COLGALT2: variants seen among roughly 807,000 people sequenced by gnomAD.
COLGALT2 encodes the protein collagen beta(1-O)galactosyltransferase 2.
In COLGALT2, 49 loss-of-function variants were observed where a neutral mutation model predicts 73.4. That is an observed-to-expected ratio of 0.67 (90% CI 0.53 to 0.85). The LOEUF (loss-of-function observed/expected upper bound fraction) is 0.85. Ranked by LOEUF, COLGALT2 falls within the 40% of genes least tolerant of loss-of-function variation. The probability of loss-of-function intolerance (pLI) is 0.00; values close to 1 mark genes in which losing one functional copy is unlikely to be tolerated. For synonymous variants in COLGALT2, 295 were observed against 307.6 expected, an observed-to-expected ratio of 0.96 and a Z score of 0.43; for missense variants, 722 against 790.2, an observed-to-expected ratio of 0.91 and a Z score of 1.03.
chr1:184,029,099 G>C lies in COLGALT2; in HGVS notation c.263+7996C>G, dbSNP rs550142728. On this transcript the variant is annotated intron_variant, in intron 1 of 11. Coordinates refer to ENST00000361927, the MANE Select transcript of COLGALT2 (RefSeq NM_015101.4). The stretch of plus-strand genomic sequence containing the variant: ...CAGCCAAATCTGAGGTTTAATTCAT[G>C]CAAGAGACTTGGCTAATGCCACCTA... Among the ~76,000 whole-genome samples the C allele has an allele frequency of 2.0e-5, 3 of 152,320 alleles. 1 individual carries two copies. In the South Asian group the frequency reaches 6.2e-4, roughly 32 times the overall value.
chr1:183,957,800 T>TTA (rs1406258149), intron 6 of COLGALT2, among the ~76,000 whole-genome samples: 2 of 149,442 alleles, frequency 1.3e-5, no homozygotes, highest in Non-Finnish European at 3.0e-5. Flanking sequence ...TTTTTTTTTT[T>TTA]ACAAATAAAG....
intron 1 of COLGALT2, among the ~76,000 whole-genome samples, chr1:184,019,104 T>C (rs1649095255): frequency 6.6e-6 from 1 of 152,218 alleles, no homozygotes; most frequent in Non-Finnish European, 1.5e-5. Context: ...TTCCGATTTT[T>C]GGCTTCTCAA....
chr1:184,029,794 C>T (rs1649452062), intron 1 of COLGALT2, among the ~76,000 whole-genome samples: 1 of 152,126 alleles, frequency 6.6e-6, no homozygotes, highest in Non-Finnish European at 1.5e-5. Flanking sequence ...TTCAGAGTAC[C>T]TGCCTGGAAC....
At chr1:183,974,769 G>T (rs1671142845) in intron 3 of COLGALT2, among the ~76,000 whole-genome samples, 2 of 152,200 alleles carry the variant, frequency 1.3e-5, no homozygotes, top group Non-Finnish European at 1.5e-5. Context: ...CTTCCAAAAA[G>T]TTGTAAGAAC....
At position 183,969,468 on chromosome 1, in the gene COLGALT2, G is replaced by C; in HGVS notation, c.633C>G (p.Phe211Leu). The change falls in exon 5 of 12, where the codon TTC becomes TTG. Residue 211 changes from phenylalanine to leucine, a missense_variant. By Grantham distance (22) the Phe-to-Leu change is conservative. Coordinates refer to ENST00000361927, the MANE Select transcript of COLGALT2 (RefSeq NM_015101.4). ...GAACGTAGTCTGGGGTCCTCTTATA[G>C]AAGCCCTGTAAAAGAGCAAATAGGT... ...NFWCGITPKG[F>L]YKRTPDYVQI... The C allele has an allele frequency of 4.4e-6, 7 of 1,608,208 alleles. No individual in the cohort carries two copies. Among genetic ancestry groups the C allele is most frequent in the Non-Finnish European group, 5.1e-6 (6 of 1,177,364 alleles).
At position 183,936,687 on chromosome 1, in the gene COLGALT2, C is replaced by A; in HGVS notation, c.*2074G>T. The A allele has an allele frequency of 8.1e-7, 1 of 1,229,152 alleles. No individual in the cohort carries two copies. Among genetic ancestry groups the A allele is most frequent in the Non-Finnish European group, 1.0e-6 (1 of 986,982 alleles). 76.1% of individuals were successfully genotyped at this position (1,229,152 alleles called of 1,614,324 possible). The stretch of plus-strand genomic sequence containing the variant: ...ACAAAAACCAGATACCCAAGGAAAT[C>A]TTAGGAATCACCTAAGGAATTTTCA... On this transcript the variant is annotated 3_prime_UTR_variant, in exon 12 of 12. Coordinates refer to ENST00000361927, the MANE Select transcript of COLGALT2 (RefSeq NM_015101.4).
At chr1:184,033,431 A>G (rs138321323) in intron 1 of COLGALT2, among the ~76,000 whole-genome samples, 50 of 152,344 alleles carry the variant, frequency 3.3e-4, no homozygotes, top group African/African-American at 1.2e-3. Flanking sequence ...GACACATGAA[A>G]TAGATATCTT....
At chr1:183,994,107 C>T (rs1031018378) in intron 1 of COLGALT2, among the ~76,000 whole-genome samples, 3 of 128,816 alleles carry the variant, frequency 2.3e-5, no homozygotes, top group African/African-American at 2.9e-5. Context: ...GGTGTGATCT[C>T]GGCTCACTGC....
chr1:183,938,585 T>C lies in COLGALT2; in HGVS notation c.*176A>G. On this transcript the variant is annotated 3_prime_UTR_variant, in exon 12 of 12. Transcript: ENST00000361927. Reference sequence around the variant, plus strand: ...GGGAAATTTGGGTTGAATTTCCTTATTTCCTTCCATGGTCAAAAATATGTT... The same window carrying C: ...GGGAAATTTGGGTTGAATTTCCTTACTTCCTTCCATGGTCAAAAATATGTT... The C allele has an allele frequency of 2.1e-6, 3 of 1,425,036 alleles. No individual in the cohort carries two copies. The highest frequency in any genetic ancestry group is 1.6e-5 in the South Asian group (1 of 63,080). 88.3% of individuals were successfully genotyped at this position (1,425,036 alleles called of 1,614,324 possible).
chr1:183,979,604 T>A (rs910610994), intron 1 of COLGALT2, among the ~76,000 whole-genome samples: 1 of 152,118 alleles, frequency 6.6e-6, no homozygotes, highest in Non-Finnish European at 1.5e-5. Context: ...AAACAATATG[T>A]AAATGAATGA....
chr1:183,960,178 C>G (rs1004678539), intron 6 of COLGALT2, among the ~76,000 whole-genome samples: 2 of 150,656 alleles, frequency 1.3e-5, no homozygotes, highest in Non-Finnish European at 3.0e-5. Context: ...AGGAATTCTT[C>G]TTTAGCTGAA....
At chr1:183,998,999 T>C (rs1671844242) in intron 1 of COLGALT2, among the ~76,000 whole-genome samples, 1 of 152,158 alleles carries the variant, frequency 6.6e-6, no homozygotes, top group Non-Finnish European at 1.5e-5. Context: ...ACATACATAA[T>C]GATTGCTTTA....
chr1:183,993,597 G>A (rs536542625), intron 1 of COLGALT2, among the ~76,000 whole-genome samples: 15 of 152,216 alleles, frequency 9.9e-5, no homozygotes, highest in African/African-American at 3.1e-4. Context: ...AGACCAAAGG[G>A]CAGCTCTGAA....
intron 1 of COLGALT2, among the ~76,000 whole-genome samples, chr1:184,007,280 G>A (rs971487543): frequency 2.6e-5 from 4 of 152,220 alleles, no homozygotes; most frequent in East Asian, 3.9e-4. Context: ...TGAAGTTTTC[G>A]GCAAATCTCA....
At chr1:183,959,181 GTT>G (rs1222187266) in intron 6 of COLGALT2, among the ~76,000 whole-genome samples, 1 of 152,160 alleles carries the variant, frequency 6.6e-6, no homozygotes, top group African/African-American at 2.4e-5. Context: ...CTCTCTGGCT[GTT>G]TTGTCTTCCC....
chr1:183,994,762 C>A (rs890832985), intron 1 of COLGALT2, among the ~76,000 whole-genome samples: 5 of 152,082 alleles, frequency 3.3e-5, no homozygotes, highest in Admixed American at 1.3e-4. Context: ...CCTTAACCTG[C>A]AAATTAAAGG....
chr1:183,960,923 A>G (rs1365401321), intron 6 of COLGALT2, among the ~76,000 whole-genome samples: 1 of 152,156 alleles, frequency 6.6e-6, no homozygotes, highest in Non-Finnish European at 1.5e-5. Flanking sequence ...ATTAGCAGCC[A>G]TTTATTTACT....
intron 1 of COLGALT2, among the ~76,000 whole-genome samples, chr1:184,031,830 T>TCCTC (rs2102862851): frequency 3.6e-5 from 5 of 140,162 alleles, no homozygotes; most frequent in Admixed American, 3.4e-4. Context: ...CTTCCTTCCT[T>TCCTC]CCTTCCTTCC....
chr1:183,931,145 A>G (rs1669836794), downstream of COLGALT2, among the ~76,000 whole-genome samples: 1 of 152,178 alleles, frequency 6.6e-6, no homozygotes, highest in Non-Finnish European at 1.5e-5. Context: ...TTAGGGACAG[A>G]GCTCTGGATC....
Sources: allele counts gnomAD v4.1 joint callset (sites outside exome capture counted in the v4.1 genomes callset), GRCh38; gene constraint gnomAD v4.1.1; transcripts MANE v1.5; gene names NCBI Gene and HGNC (gene_info 2026-07-23, HGNC 2026-07-21).